ST6GAL1: variants seen among roughly 807,000 people sequenced by gnomAD.
ST6GAL1 encodes the protein beta-galactoside alpha-2,6-sialyltransferase 1.
In ST6GAL1, 20 loss-of-function variants were observed where a neutral mutation model predicts 38.0. The ratio of observed to expected loss-of-function variants is 0.53; its 90% CI spans 0.37 to 0.77. The LOEUF is 0.77. ST6GAL1 is among the 30% of genes least tolerant of loss of function. The pLI is 0.00. For synonymous variants in ST6GAL1, 196 were observed against 188.2 expected, an observed-to-expected ratio of 1.04 and a Z score of -0.34; for missense variants, 432 against 496.4, an observed-to-expected ratio of 0.87 and a Z score of 1.23.
chr3:187,002,832 G>T (rs1317608194), intron 2 of ST6GAL1, among the ~76,000 whole-genome samples: 1 of 152,088 alleles, frequency 6.6e-6, no homozygotes, highest in African/African-American at 2.4e-5. Flanking sequence ...AAAAGCACAG[G>T]TTCACAAATT....
At chr3:187,041,359 G>A (rs1246603509) in intron 3 of ST6GAL1, among the ~76,000 whole-genome samples, 1 of 152,072 alleles carries the variant, frequency 6.6e-6, no homozygotes, top group African/African-American at 2.4e-5. Flanking sequence ...ACCCCTAGTG[G>A]GTTAGCAAAA....
At chr3:186,972,430 A>T (rs1560146851) in intron 2 of ST6GAL1, among the ~76,000 whole-genome samples, 1 of 151,980 alleles carries the variant, frequency 6.6e-6, no homozygotes, top group Non-Finnish European at 1.5e-5. Context: ...TTGTGTTTTT[A>T]GTAGAGACAG....
At chr3:186,989,887 G>A (rs1716096327) in intron 2 of ST6GAL1, among the ~76,000 whole-genome samples, 1 of 152,166 alleles carries the variant, frequency 6.6e-6, no homozygotes, top group Non-Finnish European at 1.5e-5. Flanking sequence ...CTCCAGCAAG[G>A]TCCCGGTCAA....
intron 2 of ST6GAL1, among the ~76,000 whole-genome samples, chr3:186,980,521 AAGCCAAGGC>A (rs979280975): frequency 4.7e-4 from 72 of 151,626 alleles, no homozygotes; most frequent in African/African-American, 1.7e-3. Flanking sequence ...GGACTTTTGG[AAGCCAAGGC>A]AGGTGGATCA....
At chr3:187,031,859 C>T (rs879265880) in intron 2 of ST6GAL1, among the ~76,000 whole-genome samples, 1 of 152,188 alleles carries the variant, frequency 6.6e-6, no homozygotes, top group Non-Finnish European at 1.5e-5. Context: ...GTAACTTGCT[C>T]AAAGTCAGGT....
intron 1 of ST6GAL1, among the ~76,000 whole-genome samples, chr3:186,938,360 A>C (rs1486495566): frequency 6.6e-6 from 1 of 152,244 alleles, no homozygotes; most frequent in East Asian, 1.9e-4. Flanking sequence ...TAAGCTTACT[A>C]AGCTTCAATT....
chr3:186,961,941 C>T (rs114384188), intron 1 of ST6GAL1, among the ~76,000 whole-genome samples: 91 of 152,270 alleles, frequency 6.0e-4, no homozygotes, highest in African/African-American at 2.0e-3. Context: ...GTGGGTGGCT[C>T]CTAGCTGACC....
intron 2 of ST6GAL1, among the ~76,000 whole-genome samples, chr3:186,984,461 C>G (rs77162676): frequency 0.061 from 9,338 of 152,114 alleles, 423 homozygotes; most frequent in East Asian, 0.23. Context: ...TCCCCGACAT[C>G]GTTGTTTGTT....
chr3:187,070,740 A>G (rs1719340561), intron 5 of ST6GAL1, among the ~76,000 whole-genome samples: 1 of 152,018 alleles, frequency 6.6e-6, no homozygotes, highest in Non-Finnish European at 1.5e-5. Context: ...CGCTCACTTT[A>G]TGGCCATCCT....
intron 1 of ST6GAL1, among the ~76,000 whole-genome samples, chr3:186,935,900 G>A (rs1353466566): frequency 3.3e-5 from 5 of 151,620 alleles, no homozygotes; most frequent in Admixed American, 1.3e-4. Context: ...AAAAAAAAAA[G>A]AAAAAAACCC....
chr3:186,985,151 C>T (rs531156802), intron 2 of ST6GAL1, among the ~76,000 whole-genome samples: 31 of 152,080 alleles, frequency 2.0e-4, no homozygotes, highest in Non-Finnish European at 3.8e-4. Context: ...TCAAGTGATC[C>T]GCCCACCTCA....
chr3:186,953,089 C>T (rs190088338), intron 1 of ST6GAL1, among the ~76,000 whole-genome samples: 25 of 152,270 alleles, frequency 1.6e-4, no homozygotes, highest in African/African-American at 5.5e-4. Context: ...CTCTTAGAAT[C>T]GTTTCACAAC....
intron 2 of ST6GAL1, among the ~76,000 whole-genome samples, chr3:186,978,700 A>G (rs921401628): frequency 1.3e-5 from 2 of 152,206 alleles, no homozygotes; most frequent in African/African-American, 4.8e-5. Flanking sequence ...GCTTGCTTAG[A>G]AAACCTCCAC....
At chr3:186,947,128 A>G (rs1488580783) in intron 1 of ST6GAL1, among the ~76,000 whole-genome samples, 1 of 152,118 alleles carries the variant, frequency 6.6e-6, no homozygotes, top group African/African-American at 2.4e-5. Flanking sequence ...GCAAGGATGA[A>G]GGAAAACATG....
intron 5 of ST6GAL1, among the ~76,000 whole-genome samples, chr3:187,070,002 A>G (rs1016737515): frequency 6.6e-6 from 1 of 152,134 alleles, no homozygotes; most frequent in African/African-American, 2.4e-5. Flanking sequence ...TCAGCATATG[A>G]CTTCCACTTT....
chr3:187,048,819 A>G (rs1480403537), intron 4 of ST6GAL1, among the ~76,000 whole-genome samples: 1 of 151,232 alleles, frequency 6.6e-6, no homozygotes, highest in Non-Finnish European at 1.5e-5. Flanking sequence ...GATGTTCTCC[A>G]GTGGCACCTC....
At chr3:186,951,491 A>G (rs1714577033) in intron 1 of ST6GAL1, among the ~76,000 whole-genome samples, 1 of 152,174 alleles carries the variant, frequency 6.6e-6, no homozygotes, top group Admixed American at 6.5e-5. Flanking sequence ...TTGCTGCCTG[A>G]ATTCCTCTCA....
rs185962063 is a variant in ST6GAL1 at position 187,076,916 on chromosome 3, A to G, written c.*1113A>G. On this transcript the variant is annotated 3_prime_UTR_variant, in exon 8 of 8. Coordinates refer to ENST00000169298, the MANE Select transcript of ST6GAL1 (RefSeq NM_173216.2). ...ACCCTGTCCTGTCAGCTGGGTTTAC[A>G]TACCAGTCCCATTCTTCCTTTTCAA... 334 of 398,248 alleles carry G rather than the reference A, an allele frequency of 8.4e-4. 2 individuals carry two copies. The East Asian group carries it at 0.012, about 14-fold the overall frequency. The allele number at this position is 398,248 out of a possible 1,614,324, so 24.7% of individuals were successfully genotyped here. A position where few individuals can be genotyped will look rare whatever the true frequency, so the allele number is the denominator to read the frequency against.
chr3:187,029,113 G>A (rs1017560345), intron 2 of ST6GAL1, among the ~76,000 whole-genome samples: 2 of 65,842 alleles, frequency 3.0e-5, no homozygotes, highest in African/African-American at 4.8e-5. Context: ...TTTTTCATAG[G>A]TGCTTCATGT....
Sources: allele counts gnomAD v4.1 joint callset (sites outside exome capture counted in the v4.1 genomes callset), GRCh38; gene constraint gnomAD v4.1.1; transcripts MANE v1.5; gene names NCBI Gene and HGNC (gene_info 2026-07-23, HGNC 2026-07-21).